SPON1: variants seen among roughly 807,000 people sequenced by gnomAD.
The protein encoded by SPON1 is spondin 1, also known as spondin-1.
SPON1 carries 52 observed loss-of-function variants against 111.7 expected under a neutral mutation model. The observed-to-expected ratio is 0.47, with a 90% CI of 0.37 to 0.59. SPON1 has a LOEUF of 0.59. Among genes scored for constraint, SPON1 ranks in the 20% least tolerant of loss-of-function variants. SPON1 has a pLI of 0.00. For missense variants in SPON1, 957 were observed against 1,068.5 expected (o/e 0.90, Z 1.46); for synonymous variants, 410 against 395.8 (o/e 1.04, Z -0.43).
rs1455610499 is a variant in SPON1 at position 14,265,670 on chromosome 11, A to G, written c.2407A>G (p.Asn803Asp). 1.2e-6 allele frequency: 2 copies of G among 1,613,458 alleles called. No individual in the cohort carries two copies. Among genetic ancestry groups the G allele is most frequent in the African/African-American group, 1.3e-5 (1 of 74,916 alleles). Residue 803 changes from asparagine to aspartate, a missense_variant, in exon 16 of 16, where the codon AAT becomes GAT. Physicochemically the swap from Asn to Asp is conservative, Grantham distance 23. This residue lies in a region of SPON1 where 549 missense variants were observed against 606.2 expected (regional missense o/e 0.91). Transcript: ENST00000576479. ...AGACAAGAAGGAGATCAGAGCATGC[A>G]ATGTTCATCCTTGTTAGCAAGGGTA... ...CKDKKEIRAC[N>D]VHPC is the part of the protein sequence containing the mutation.
intron 6 of SPON1, among the ~76,000 whole-genome samples, chr11:14,157,896 A>G (rs1554930543): frequency 6.6e-6 from 1 of 152,068 alleles, no homozygotes; most frequent in Non-Finnish European, 1.5e-5. Context: ...AAAATTCTCC[A>G]TCTAGATTTC....
chr11:14,150,920 C>T (rs1847780180), intron 6 of SPON1, among the ~76,000 whole-genome samples: 1 of 152,110 alleles, frequency 6.6e-6, no homozygotes, highest in Non-Finnish European at 1.5e-5. Flanking sequence ...TCTTGTCTTC[C>T]TCTTGCTGGA....
At chr11:14,022,024 A>C (rs1222377490) in intron 2 of SPON1, among the ~76,000 whole-genome samples, 3 of 152,230 alleles carry the variant, frequency 2.0e-5, no homozygotes, top group African/African-American at 7.2e-5. Flanking sequence ...TCCTGGCAAC[A>C]CACATCCAGA....
At chr11:14,132,255 G>T (rs1039422547) in intron 5 of SPON1, among the ~76,000 whole-genome samples, 9 of 151,692 alleles carry the variant, frequency 5.9e-5, no homozygotes, top group African/African-American at 2.2e-4. Context: ...TCTAGCCCAG[G>T]CAACAGTACA....
At chr11:14,154,055 G>A (rs1478023783) in intron 6 of SPON1, among the ~76,000 whole-genome samples, 1 of 152,188 alleles carries the variant, frequency 6.6e-6, no homozygotes, top group Non-Finnish European at 1.5e-5. Context: ...GGCTATGCAG[G>A]GTATAGCCCC....
chr11:13,987,252 C>T (rs1848192576), intron 2 of SPON1, among the ~76,000 whole-genome samples: 1 of 152,146 alleles, frequency 6.6e-6, no homozygotes, highest in Non-Finnish European at 1.5e-5. Context: ...TAATGATCAC[C>T]ATTCTAACTG....
At position 14,051,967 on chromosome 11, in the gene SPON1, G is replaced by T. The variant is rs556542319; in HGVS notation, c.479+10313G>T. Among the ~76,000 whole-genome samples the T allele has an allele frequency of 2.0e-5, 3 of 152,240 alleles. No individual in the cohort carries two copies. In the East Asian group the frequency reaches 5.8e-4, roughly 29 times the overall value. On this transcript the variant is annotated intron_variant, in intron 3 of 15. Coordinates refer to ENST00000576479, the MANE Select transcript of SPON1 (RefSeq NM_006108.4). ...CAGTTGATGTAAAGTAATGAGGCCT[G>T]GGACTTCAACTCACTTCTGCCTGAC...
intron 6 of SPON1, among the ~76,000 whole-genome samples, chr11:14,171,664 T>C (rs1554932478): frequency 1.3e-5 from 2 of 152,192 alleles, no homozygotes; most frequent in East Asian, 3.8e-4. Flanking sequence ...CTGCTTTGAA[T>C]GTGTCCCAGA....
chr11:13,964,507 C>T (rs566486141), intron 1 of SPON1, among the ~76,000 whole-genome samples: 1 of 152,342 alleles, frequency 6.6e-6, no homozygotes, highest in East Asian at 1.9e-4. Context: ...TTCCCCCTTT[C>T]CCGGGTTTGT....
chr11:14,160,562 T>C lies in SPON1; in HGVS notation c.825+24994T>C, dbSNP rs1483711503. Reference sequence around the variant, plus strand: ...ATATATATATTTATATATATATTTATATATATATTTATATATATATTTACA... The same window carrying C: ...ATATATATATTTATATATATATTTACATATATATTTATATATATATTTACA... On this transcript the variant is annotated intron_variant, in intron 6 of 15. Transcript: ENST00000576479. 2.8e-4 allele frequency among the ~76,000 whole-genome samples: 8 copies of C among 28,378 alleles called. 2 individuals are homozygous for C. The highest frequency in any genetic ancestry group is 6.0e-4 in the African/African-American group (4 of 6,624). The allele number at this position is 28,378 out of a possible 152,430, so 18.6% of individuals were successfully genotyped here.
At chr11:14,145,878 C>A (rs1554929271) in intron 6 of SPON1, among the ~76,000 whole-genome samples, 3 of 152,056 alleles carry the variant, frequency 2.0e-5, no homozygotes, top group Non-Finnish European at 2.9e-5. Context: ...TGTACTGATA[C>A]AGAATGCTCC....
At chr11:14,160,522 TAC>T (rs1320402069) in intron 6 of SPON1, among the ~76,000 whole-genome samples, 10 of 6,436 alleles carry the variant, frequency 1.6e-3, no homozygotes, top group African/African-American at 2.6e-3. Context: ...TATATATATT[TAC>T]ATATATATAT....
At chr11:14,180,772 T>G (rs1554933630) in intron 6 of SPON1, among the ~76,000 whole-genome samples, 2 of 152,206 alleles carry the variant, frequency 1.3e-5, no homozygotes, top group Non-Finnish European at 2.9e-5. Context: ...TATATTTGCC[T>G]TCTCACCTCC....
intron 6 of SPON1, among the ~76,000 whole-genome samples, chr11:14,209,257 A>C (rs1848548049): frequency 6.6e-6 from 1 of 152,152 alleles, no homozygotes; most frequent in South Asian, 2.1e-4. Context: ...AGACTTCTTT[A>C]AGAAAAATAA....
At chr11:13,983,360 G>C (rs1417537128) in intron 2 of SPON1, among the ~76,000 whole-genome samples, 1 of 152,332 alleles carries the variant, frequency 6.6e-6, no homozygotes, top group Middle Eastern at 3.4e-3. Flanking sequence ...CACAGGAGAA[G>C]GACTATTAAG....
At chr11:14,249,980 C>T (rs1243051985) in intron 7 of SPON1, among the ~76,000 whole-genome samples, 6 of 152,206 alleles carry the variant, frequency 3.9e-5, no homozygotes, top group African/African-American at 1.4e-4. Flanking sequence ...CTTTCCTCCA[C>T]ACCATGCTGC....
chr11:14,230,240 G>A (rs143641427), intron 6 of SPON1, among the ~76,000 whole-genome samples: 3 of 152,042 alleles, frequency 2.0e-5, no homozygotes, highest in Non-Finnish European at 4.4e-5. Flanking sequence ...TCCCCCATTC[G>A]GGTCACTTGG....
At chr11:14,142,900 C>T (rs894424773) in intron 6 of SPON1, among the ~76,000 whole-genome samples, 3 of 152,316 alleles carry the variant, frequency 2.0e-5, no homozygotes, top group African/African-American at 4.8e-5. Context: ...CAGGCTGAGA[C>T]GACCACTAAC....
chr11:14,196,273 A>G (rs1156652682), intron 6 of SPON1, among the ~76,000 whole-genome samples: 4 of 152,188 alleles, frequency 2.6e-5, no homozygotes, highest in African/African-American at 7.2e-5. Flanking sequence ...AGAGAAATCT[A>G]CAGAAACAGA....
Sources: gnomAD v4.1 joint callset for allele counts (sites outside exome capture counted in the v4.1 genomes callset) on GRCh38, gnomAD v4.1.1 for gene constraint, gnomAD v4.1.1 regional missense constraint, MANE v1.5 for transcripts, NCBI Gene and HGNC (gene_info 2026-07-23, HGNC 2026-07-21) for gene names.